The following DNM2 variants were observed in gnomAD, a reference collection of about 807,000 sequenced individuals.
DNM2 encodes dynamin 2, also known as dynamin-2.
Under a neutral mutation model 99.0 loss-of-function variants are expected in DNM2, and 15 were observed. That is an observed-to-expected ratio of 0.15 (90% CI 0.10 to 0.23). DNM2 has a LOEUF of 0.23. Among genes scored for constraint, DNM2 ranks in the 10% least tolerant of loss-of-function variants. DNM2 has a pLI of 1.00. For synonymous variants in DNM2, 525 were observed against 481.2 expected, an observed-to-expected ratio of 1.09 and a Z score of -1.19; for missense variants, 742 against 1,189.4, an observed-to-expected ratio of 0.62 and a Z score of 5.53.
chr19:10,723,248 C>T (rs368145699), intron 1 of DNM2, among the ~76,000 whole-genome samples: 1 of 152,058 alleles, frequency 6.6e-6, no homozygotes, highest in African/African-American at 2.4e-5. Flanking sequence ...ATTCTCCTGC[C>T]TCAGCCTCCT....
At chr19:10,758,609 C>T (rs1366960917) in intron 1 of DNM2, among the ~76,000 whole-genome samples, 17 of 145,082 alleles carry the variant, frequency 1.2e-4, no homozygotes, top group Non-Finnish European at 2.4e-4. Flanking sequence ...TGCAGTGGCA[C>T]GATCTCAGCT....
chr19:10,790,960 G>T (rs1568302831), intron 7 of DNM2, among the ~76,000 whole-genome samples: 1 of 152,172 alleles, frequency 6.6e-6, no homozygotes, highest in Admixed American at 6.5e-5. Flanking sequence ...TAGAGACAAG[G>T]TCTCACTATG....
At chr19:10,729,279 T>G (rs1458331367) in intron 1 of DNM2, among the ~76,000 whole-genome samples, 1 of 150,626 alleles carries the variant, frequency 6.6e-6, no homozygotes, top group Non-Finnish European at 1.5e-5. Flanking sequence ...AAGGTTGCAG[T>G]GATCCGAGGT....
At chr19:10,748,642 G>A (rs1009602821) in intron 1 of DNM2, among the ~76,000 whole-genome samples, 14 of 152,162 alleles carry the variant, frequency 9.2e-5, no homozygotes, top group Admixed American at 8.5e-4. Context: ...GGGTGACTGC[G>A]GGTCTGCCTC....
In DNM2 at chr19:10,822,870, G is replaced by T. The variant is rs536933500; in HGVS notation, c.1782-918G>T. ...GCCTGTAATCCCAGCACTTTGGGAG[G>T]CCGAGGCAGGTAGGTCACGAGGTCA... is the stretch of plus-strand genomic sequence containing the variant. On this transcript the variant is annotated intron_variant, in intron 16 of 20. Transcript: ENST00000389253. Among the ~76,000 whole-genome samples the T allele has an allele frequency of 7.2e-5, 11 of 151,934 alleles. No individual in the cohort carries two copies. The South Asian group carries it at 2.3e-3, about 31-fold the overall frequency.
intron 5 of DNM2, among the ~76,000 whole-genome samples, chr19:10,779,494 C>CTT (rs1568296122): frequency 1.3e-5 from 1 of 75,580 alleles, no homozygotes. Flanking sequence ...TTCTTTCTTT[C>CTT]TTTCTTTCTT....
In DNM2 at chr19:10,792,244, C is replaced by A. The variant is rs566566798; in HGVS notation, c.993-1476C>A. 2.0e-5 allele frequency among the ~76,000 whole-genome samples: 3 copies of A among 152,296 alleles called. No homozygotes were observed. In the South Asian group the frequency reaches 6.2e-4, roughly 32 times the overall value. On this transcript the variant is annotated intron_variant, in intron 7 of 20. Coordinates refer to ENST00000389253, the MANE Select transcript of DNM2 (RefSeq NM_001005361.3). ...CTGGGCAGCTTGTGCTTGCCTCTCC[C>A]AGTTGGGGTATGAAGGAGACCCCCC... is the stretch of plus-strand genomic sequence containing the variant.
rs190654524 is a variant in DNM2, at chr19:10,765,757, T to C, written c.235+5946T>C. On this transcript the variant is annotated intron_variant, in intron 2 of 20. Coordinates refer to ENST00000389253, the MANE Select transcript of DNM2 (RefSeq NM_001005361.3). This position sits in a 1 kb window ranked among gnomAD's most constrained non-coding sequence, Gnocchi z 4.4. Reference sequence around the variant, plus strand: ...TGGCGTGGTAGCTAGGGTCTCCTGATGGTGGCAGATCCCCAAGTTGTTCCC... The same window carrying C: ...TGGCGTGGTAGCTAGGGTCTCCTGACGGTGGCAGATCCCCAAGTTGTTCCC... Among the ~76,000 whole-genome samples the C allele has an allele frequency of 1.5e-3, 216 of 148,038 alleles. 2 individuals are homozygous for C. In the East Asian group the frequency reaches 0.015, roughly 10 times the overall value.
At chr19:10,742,092 G>A (rs1044998530) in intron 1 of DNM2, among the ~76,000 whole-genome samples, 1 of 151,570 alleles carries the variant, frequency 6.6e-6, no homozygotes, top group Non-Finnish European at 1.5e-5. Flanking sequence ...TTCCTGGGTC[G>A]AGCCTACTCC....
chr19:10,761,942 A>G (rs1462390474), intron 2 of DNM2, among the ~76,000 whole-genome samples: 2 of 152,230 alleles, frequency 1.3e-5, no homozygotes, highest in South Asian at 2.1e-4. Flanking sequence ...TGTGCCAGGA[A>G]TGGGCAGCCC....
chr19:10,745,212 G>C (rs527819695), intron 1 of DNM2, among the ~76,000 whole-genome samples: 1 of 152,130 alleles, frequency 6.6e-6, no homozygotes, highest in African/African-American at 2.4e-5. Context: ...CTTGACCTTC[G>C]GCACTGCAGC....
At chr19:10,788,722 T>C (rs902162864) in intron 7 of DNM2, among the ~76,000 whole-genome samples, 12 of 152,204 alleles carry the variant, frequency 7.9e-5, no homozygotes, top group African/African-American at 2.4e-4. Context: ...ACTCGGGGAC[T>C]CTTCTGCCTC....
intron 1 of DNM2, among the ~76,000 whole-genome samples, chr19:10,728,944 CAA>C (rs34423244): frequency 1.1e-4 from 13 of 121,930 alleles, no homozygotes; most frequent in Non-Finnish European, 1.2e-4. Context: ...GACCCGGTCT[CAA>C]AAAAAAAAAA....
rs527808228 is a variant in DNM2, at chr19:10,785,258, T to C, written c.850-1306T>C. On this transcript the variant is annotated intron_variant, in intron 6 of 20. Transcript: ENST00000389253. ...TCAGCCTCCCGAGTAGCTGGGACTA[T>C]AGGCACCCATCACCACACCCGGCTA... 2.3e-3 allele frequency among the ~76,000 whole-genome samples: 346 copies of C among 151,812 alleles called. 2 individuals are homozygous for C. Among genetic ancestry groups the C allele is most frequent in the African/African-American group, 7.8e-3 (325 of 41,442 alleles).
At chr19:10,782,033 A>G (rs541417025) in intron 5 of DNM2, among the ~76,000 whole-genome samples, 1 of 151,794 alleles carries the variant, frequency 6.6e-6, no homozygotes, top group South Asian at 2.1e-4. Flanking sequence ...TTAAGATGTT[A>G]TTTCTTTTTT....
rs2071978376 is a variant in DNM2 at position 10,797,479 on chromosome 19, C to T, written c.1296C>T (p.Val432=). The T allele has an allele frequency of 6.5e-7, 1 of 1,542,226 alleles. No individual in the cohort carries two copies. Among genetic ancestry groups the T allele is most frequent in the African/African-American group, 1.8e-5 (1 of 55,520 alleles). The change falls in exon 10 of 21, where the codon GTC becomes GTT. Residue 432 remains valine, a synonymous_variant. Coordinates refer to ENST00000389253, the MANE Select transcript of DNM2 (RefSeq NM_001005361.3). ...GTTTGAAGTGTGTTGATCTCGTGGT[C>T]TCAGAGCTGGCCACGGTCATAAAAA... ...EPSLKCVDLV[V]SELATVIKKC...
intron 1 of DNM2, among the ~76,000 whole-genome samples, chr19:10,727,842 A>C (rs2069164264): frequency 6.6e-6 from 1 of 152,218 alleles, no homozygotes; most frequent in South Asian, 2.1e-4. Context: ...GGCTGCTGAA[A>C]AAAAGTGAGA....
intron 1 of DNM2, among the ~76,000 whole-genome samples, chr19:10,743,438 G>A (rs1323169710): frequency 2.6e-5 from 4 of 151,812 alleles, no homozygotes; most frequent in Non-Finnish European, 5.9e-5. Flanking sequence ...TCTTTGGGAG[G>A]CTGAGGCAGG....
intron 11 of DNM2, among the ~76,000 whole-genome samples, chr19:10,799,009 T>G (rs538077077): frequency 3.6e-4 from 55 of 152,302 alleles, no homozygotes; most frequent in African/African-American, 1.3e-3. Flanking sequence ...GAGGATTGCT[T>G]GAGCCCAGGA....
Sources: allele counts gnomAD v4.1 joint callset (sites outside exome capture counted in the v4.1 genomes callset), GRCh38; gene constraint gnomAD v4.1.1; non-coding constraint Gnocchi (gnomAD v3.1); transcripts MANE v1.5; gene names NCBI Gene and HGNC (gene_info 2026-07-23, HGNC 2026-07-21).